GHR: variants seen among roughly 807,000 people sequenced by gnomAD.
GHR encodes the protein growth hormone receptor.
In GHR, 35 loss-of-function variants were observed where a neutral mutation model predicts 67.1. The ratio of observed to expected loss-of-function variants is 0.52; its 90% confidence interval spans 0.40 to 0.69. The LOEUF (loss-of-function observed/expected upper bound fraction) is 0.69. GHR is among the 30% of genes least tolerant of loss of function. The pLI, the probability that GHR is intolerant of heterozygous loss-of-function variation, is 0.00. For synonymous variants in GHR, 272 were observed against 269.1 expected, an observed-to-expected ratio of 1.01 and a Z score of -0.10; for missense variants, 792 against 764.6, an observed-to-expected ratio of 1.04 and a Z score of -0.42.
Position 42,565,241 on chromosome 5 carries a change from A to C in GHR, c.-11-623A>C, listed in dbSNP as rs534307552. 3.9e-4 allele frequency among the ~76,000 whole-genome samples: 60 copies of C among 151,936 alleles called. 1 individual carries two copies. The highest frequency in any genetic ancestry group is 7.9e-4 in the Admixed American group (12 of 15,266). On this transcript the variant is annotated intron_variant, in intron 1 of 9. Coordinates refer to ENST00000230882, the MANE Select transcript of GHR (RefSeq NM_000163.5). The stretch of plus-strand genomic sequence containing the variant: ...GATCTGTATTCCTCATGAAAATAAA[A>C]CCTCTCTACGACACACTGTGTCCTT...
In GHR at chr5:42,689,131, A is replaced by G; in HGVS notation, c.266+112A>G. The G allele has an allele frequency of 5.2e-6, 5 of 953,068 alleles. No homozygotes were observed. The Admixed American group carries it at 6.8e-5, about 13-fold the overall frequency. 59.0% of individuals were successfully genotyped at this position (953,068 alleles called of 1,614,324 possible). A position where few individuals can be genotyped will look rare whatever the true frequency, so the allele number is the denominator to read the frequency against. Reference sequence around the variant, plus strand: ...TGATTTGTTGTGATTTATGCAATCAATGAATATTCATTCACTCATTTATTG... The same window carrying G: ...TGATTTGTTGTGATTTATGCAATCAGTGAATATTCATTCACTCATTTATTG... On this transcript the variant is annotated intron_variant, in intron 4 of 9. Coordinates refer to ENST00000230882, the MANE Select transcript of GHR (RefSeq NM_000163.5).
intron 1 of GHR, among the ~76,000 whole-genome samples, chr5:42,543,009 T>C (rs10941578): frequency 0.35 from 53,293 of 152,008 alleles, 10,633 homozygotes; most frequent in African/African-American, 0.55. Context: ...TGTGTATATA[T>C]CACATTTTAT....
Position 42,468,211 on chromosome 5 carries a change from A to G in GHR, c.-12+44256A>G, listed in dbSNP as rs369751221. 21 of 1,458,284 alleles carry G rather than the reference A, an allele frequency of 1.4e-5. No individual in the cohort carries two copies. In the African/African-American group the frequency reaches 1.7e-4, roughly 12 times the overall value. The allele number at this position is 1,458,284 out of a possible 1,614,324, so 90.3% of individuals were successfully genotyped here. A position where few individuals can be genotyped will look rare whatever the true frequency, so the allele number is the denominator to read the frequency against. Reference sequence around the variant, plus strand: ...CCAGACTTTGATGTTCTCAGAGTGCACTTGTTGGCTGGATGCCTGATCTGG... The same window carrying G: ...CCAGACTTTGATGTTCTCAGAGTGCGCTTGTTGGCTGGATGCCTGATCTGG... On this transcript the variant is annotated intron_variant, in intron 1 of 9. Coordinates refer to ENST00000230882, the MANE Select transcript of GHR (RefSeq NM_000163.5).
Position 42,597,704 on chromosome 5 carries a change from A to G in GHR, c.71-31334A>G, listed in dbSNP as rs138126898. Among the ~76,000 whole-genome samples the G allele has an allele frequency of 4.4e-3, 669 of 152,318 alleles. 4 individuals carry two copies. The highest frequency in any genetic ancestry group is 0.016 in the African/African-American group (647 of 41,570). Reference sequence around the variant, plus strand: ...TCGGCTTCATTTGTAAGTACCAGATAGTGCAACTCCATGTATCCAGGAGGC... The same window carrying G: ...TCGGCTTCATTTGTAAGTACCAGATGGTGCAACTCCATGTATCCAGGAGGC... On this transcript the variant is annotated intron_variant, in intron 2 of 9. Transcript: ENST00000230882.
At chr5:42,522,714 T>C (rs1747530347) in intron 1 of GHR, among the ~76,000 whole-genome samples, 1 of 152,206 alleles carries the variant, frequency 6.6e-6, no homozygotes, top group South Asian at 2.1e-4. Context: ...TGAGCAACTT[T>C]TCTTACTTCC....
intron 1 of GHR, among the ~76,000 whole-genome samples, chr5:42,517,803 A>G (rs1308341582): frequency 6.6e-6 from 1 of 150,504 alleles, no homozygotes; most frequent in African/African-American, 2.4e-5. Context: ...TTTTGGCATT[A>G]TTAAAACAAC....
chr5:42,434,919 C>A (rs16872564), intron 1 of GHR, among the ~76,000 whole-genome samples: 2,817 of 152,230 alleles, frequency 0.019, 152 homozygotes, highest in East Asian at 0.11. Context: ...CTTGTCTGAC[C>A]GGATTTGAAT....
Position 42,648,825 on chromosome 5 carries a change from C to A in GHR, c.136+19722C>A, listed in dbSNP as rs1027271306. Among the ~76,000 whole-genome samples the A allele has an allele frequency of 2.0e-5, 3 of 152,062 alleles. No individual in the cohort carries two copies. In the South Asian group the frequency reaches 6.2e-4, roughly 31 times the overall value. The stretch of plus-strand genomic sequence containing the variant: ...TGACAGTTTATATAGCAACCGCCTG[C>A]AGATTTAGGTTTTTTCTGACTGCGC... On this transcript the variant is annotated intron_variant, in intron 3 of 9. Coordinates refer to ENST00000230882, the MANE Select transcript of GHR (RefSeq NM_000163.5).
chr5:42,692,481 G>T (rs2111684596), intron 4 of GHR, among the ~76,000 whole-genome samples: 1 of 152,098 alleles, frequency 6.6e-6, no homozygotes, highest in East Asian at 1.9e-4. Flanking sequence ...TCTGTTTTAT[G>T]AGCTAATTTG....
chr5:42,588,552 G>A (rs1008207765), intron 2 of GHR, among the ~76,000 whole-genome samples: 411 of 64,556 alleles, frequency 6.4e-3, no homozygotes, highest in Non-Finnish European at 0.011. Flanking sequence ...AAAAAAAAAA[G>A]TGACCTATAG....
intron 1 of GHR, among the ~76,000 whole-genome samples, chr5:42,558,689 C>T (rs972461922): frequency 1.3e-5 from 2 of 152,154 alleles, no homozygotes; most frequent in African/African-American, 4.8e-5. Flanking sequence ...TAGGCTATCC[C>T]ATATAGCCTA....
intron 7 of GHR, among the ~76,000 whole-genome samples, chr5:42,711,698 T>C (rs1465987286): frequency 6.6e-6 from 1 of 152,110 alleles, no homozygotes; most frequent in Non-Finnish European, 1.5e-5. Context: ...TTTTCTATAG[T>C]AAGTTTGTTT....
intron 3 of GHR, among the ~76,000 whole-genome samples, chr5:42,669,227 G>C (rs1162505378): frequency 1.3e-5 from 2 of 152,146 alleles, no homozygotes; most frequent in African/African-American, 4.8e-5. Context: ...AAGAATGAAT[G>C]AATATTAACT....
intron 3 of GHR, among the ~76,000 whole-genome samples, chr5:42,651,039 C>T (rs754338195): frequency 1.8e-4 from 27 of 152,038 alleles, no homozygotes; most frequent in Admixed American, 3.3e-4. Context: ...ACGGGATTTG[C>T]CTGATGTCTT....
intron 3 of GHR, among the ~76,000 whole-genome samples, chr5:42,674,620 G>T (rs143239198): frequency 2.1e-4 from 32 of 152,164 alleles, no homozygotes; most frequent in Admixed American, 4.6e-4. Context: ...GGCCTTTTAT[G>T]TCTGACTTCT....
intron 1 of GHR, among the ~76,000 whole-genome samples, chr5:42,439,048 G>A (rs1274301074): frequency 6.6e-6 from 1 of 152,016 alleles, no homozygotes; most frequent in Non-Finnish European, 1.5e-5. Context: ...GATACAGCAA[G>A]GAGAAACTTT....
chr5:42,530,822 A>G (rs1375895479), intron 1 of GHR, among the ~76,000 whole-genome samples: 1 of 152,192 alleles, frequency 6.6e-6, no homozygotes, highest in East Asian at 1.9e-4. Context: ...CTATTTCTAG[A>G]TAAGCAGTTG....
At chr5:42,613,180 G>GCTT (rs1752970369) in intron 2 of GHR, among the ~76,000 whole-genome samples, 1 of 152,064 alleles carries the variant, frequency 6.6e-6, no homozygotes, top group Non-Finnish European at 1.5e-5. Context: ...AATCCATATA[G>GCTT]CTTTCCTAAG....
In GHR at chr5:42,636,079, G is replaced by A. The variant is rs977350618; in HGVS notation, c.136+6976G>A. ...CAAAAAATTAGCCGGGCGTGGTGGC[G>A]GGCGCCTGTAGTCCCAGCTACTTGG... is the stretch of plus-strand genomic sequence containing the variant. On this transcript the variant is annotated intron_variant, in intron 3 of 9. Transcript: ENST00000230882. Among the ~76,000 whole-genome samples the A allele has an allele frequency of 4.6e-5, 7 of 151,588 alleles. No individual in the cohort carries two copies. The East Asian group carries it at 1.2e-3, about 25-fold the overall frequency.
Sources: gnomAD v4.1 joint callset for allele counts (sites outside exome capture counted in the v4.1 genomes callset) on GRCh38, gnomAD v4.1.1 for gene constraint, MANE v1.5 for transcripts, NCBI Gene and HGNC (gene_info 2026-07-23, HGNC 2026-07-21) for gene names.